Variants in CSMD1 observed in about 807,000 individuals in gnomAD.
CSMD1 encodes CUB and sushi domain-containing protein 1.
A neutral mutation model predicts 417.5 loss-of-function variants in CSMD1; 213 were observed. That is an observed-to-expected ratio of 0.51 (90% CI 0.46 to 0.57). The LOEUF is 0.57. Among genes scored for constraint, CSMD1 ranks in the 20% least tolerant of loss-of-function variants. CSMD1 has a pLI of 0.00. For synonymous variants in CSMD1, 2,862 were observed against 1,736.8 expected, an observed-to-expected ratio of 1.65 and a Z score of -16.11; for missense variants, 6,923 against 4,529.7, an observed-to-expected ratio of 1.53 and a Z score of -15.17.
intron 12 of CSMD1, among the ~76,000 whole-genome samples, chr8:3,445,236 G>C (rs978979346): frequency 1.3e-5 from 2 of 152,154 alleles, no homozygotes; most frequent in Non-Finnish European, 2.9e-5. Context: ...TCAGTAGTCT[G>C]GGTTACGTTC....
intron 3 of CSMD1, among the ~76,000 whole-genome samples, chr8:4,415,067 C>CT (rs961328752): frequency 8.5e-5 from 13 of 152,220 alleles, no homozygotes; most frequent in South Asian, 6.2e-4. Context: ...AGTAATTCAG[C>CT]TTTTTTTGCA....
chr8:4,855,706 T>C (rs1801759505), intron 1 of CSMD1, among the ~76,000 whole-genome samples: 1 of 151,268 alleles, frequency 6.6e-6, no homozygotes, highest in Non-Finnish European at 1.5e-5. Flanking sequence ...AGAAGGGAAG[T>C]CTAGAGAAAA....
chr8:3,494,559 GATA>G (rs1796280964), intron 10 of CSMD1, among the ~76,000 whole-genome samples: 1 of 9,386 alleles, frequency 1.1e-4, no homozygotes, highest in African/African-American at 3.9e-4. Context: ...TTAGATGATA[GATA>G]GATAGATAGA....
At chr8:3,335,017 G>A (rs1428989633) in intron 23 of CSMD1, among the ~76,000 whole-genome samples, 1 of 152,310 alleles carries the variant, frequency 6.6e-6, no homozygotes, top group East Asian at 1.9e-4. Context: ...TCTAGGAGAT[G>A]ATACTGTCTC....
intron 37 of CSMD1, among the ~76,000 whole-genome samples, chr8:3,175,483 T>TGCCTGCCTG (rs1820863960): frequency 4.1e-5 from 5 of 121,588 alleles, no homozygotes; most frequent in South Asian, 3.2e-4. Context: ...TTCCCTTCCT[T>TGCCTGCCTG]CCTGCCTGCC....
At chr8:4,836,662 G>A (rs117020470) in intron 1 of CSMD1, among the ~76,000 whole-genome samples, 2,770 of 152,232 alleles carry the variant, frequency 0.018, 29 homozygotes, top group Middle Eastern at 0.051. Context: ...ATGATGCTTT[G>A]AAATTTTAGT....
At chr8:4,277,655 G>A (rs763317769) in intron 3 of CSMD1, among the ~76,000 whole-genome samples, 16 of 152,132 alleles carry the variant, frequency 1.1e-4, no homozygotes, top group Non-Finnish European at 1.9e-4. Flanking sequence ...CAACCTGTTT[G>A]TATCATGTAC....
At chr8:4,859,043 G>T (rs1391137919) in intron 1 of CSMD1, among the ~76,000 whole-genome samples, 1 of 151,702 alleles carries the variant, frequency 6.6e-6, no homozygotes. Context: ...AACCAAAACA[G>T]CATGGTACTG....
chr8:3,430,754 C>G (rs1005104966), intron 12 of CSMD1, among the ~76,000 whole-genome samples: 2 of 152,118 alleles, frequency 1.3e-5, no homozygotes, highest in Admixed American at 6.6e-5. Context: ...TTGCAGTGAG[C>G]AGCGATCATG....
chr8:3,682,664 C>T (rs577766591), intron 7 of CSMD1, among the ~76,000 whole-genome samples: 66 of 152,252 alleles, frequency 4.3e-4, no homozygotes, highest in Middle Eastern at 3.4e-3. Flanking sequence ...ATTAGAAATA[C>T]CATTTGATCC....
At chr8:4,486,183 AT>A (rs1801387631) in intron 2 of CSMD1, among the ~76,000 whole-genome samples, 1 of 9,668 alleles carries the variant, frequency 1.0e-4, no homozygotes, top group Non-Finnish European at 2.0e-4. Context: ...ATACATACAT[AT>A]ATATATATAT....
intron 37 of CSMD1, among the ~76,000 whole-genome samples, chr8:3,166,785 T>C (rs768011542): frequency 1.3e-5 from 2 of 152,074 alleles, no homozygotes; most frequent in Non-Finnish European, 2.9e-5. Context: ...TAAGGCAGAC[T>C]AAAAAGAACT....
chr8:3,556,037 T>G (rs1035505381), intron 10 of CSMD1, among the ~76,000 whole-genome samples: 7 of 152,150 alleles, frequency 4.6e-5, no homozygotes, highest in Non-Finnish European at 1.0e-4. Flanking sequence ...TAGAGGAATT[T>G]GACATTAACT....
chr8:4,800,569 G>C (rs887871547), intron 1 of CSMD1, among the ~76,000 whole-genome samples: 3 of 152,188 alleles, frequency 2.0e-5, no homozygotes, highest in African/African-American at 4.8e-5. Context: ...AAAGACCTCA[G>C]ACCGTCAGAG....
intron 49 of CSMD1, among the ~76,000 whole-genome samples, chr8:3,082,702 C>T (rs962725698): frequency 6.6e-6 from 1 of 152,178 alleles, no homozygotes; most frequent in South Asian, 2.1e-4. Context: ...CAAAAACAGA[C>T]ACATAGTTAA....
intron 51 of CSMD1, among the ~76,000 whole-genome samples, chr8:3,027,671 G>A (rs568926038): frequency 1.1e-4 from 16 of 152,122 alleles, no homozygotes; most frequent in Non-Finnish European, 2.4e-4. Flanking sequence ...TTTGTGGCCC[G>A]AGACACCTAG....
At chr8:3,739,973 G>A (rs1796709416) in intron 6 of CSMD1, among the ~76,000 whole-genome samples, 1 of 152,142 alleles carries the variant, frequency 6.6e-6, no homozygotes, top group African/African-American at 2.4e-5. Flanking sequence ...TCTCCTTCAT[G>A]ATCCCTATCA....
chr8:3,885,492 T>C (rs1301572477), intron 5 of CSMD1, among the ~76,000 whole-genome samples: 1 of 152,076 alleles, frequency 6.6e-6, no homozygotes, highest in Non-Finnish European at 1.5e-5. Context: ...GAAAATAAAC[T>C]CTCGAAAAAT....
chr8:3,374,872 TA>T (rs1353544632), intron 18 of CSMD1, among the ~76,000 whole-genome samples: 1 of 152,160 alleles, frequency 6.6e-6, no homozygotes, highest in Non-Finnish European at 1.5e-5. Flanking sequence ...CAAAGTCTTC[TA>T]ATAAATGGAA....
Sources: allele counts gnomAD v4.1 joint callset (sites outside exome capture counted in the v4.1 genomes callset), GRCh38; gene constraint gnomAD v4.1.1; transcripts MANE v1.5; gene names NCBI Gene and HGNC (gene_info 2026-07-23, HGNC 2026-07-21).